The following EIF4ENIF1 variants were observed in gnomAD, a reference collection of about 807,000 sequenced individuals.
EIF4ENIF1 encodes eukaryotic translation initiation factor 4E nuclear import factor 1, also known as eukaryotic translation initiation factor 4E transporter.
Under a neutral mutation model 110.5 loss-of-function variants are expected in EIF4ENIF1, and 23 were observed. The observed-to-expected ratio is 0.21, with a 90% confidence interval of 0.15 to 0.29. EIF4ENIF1 has a LOEUF of 0.29. Ranked by LOEUF, EIF4ENIF1 falls within the 10% of genes least tolerant of loss-of-function variation. EIF4ENIF1 has a pLI of 1.00. For synonymous variants in EIF4ENIF1, 440 were observed against 437.0 expected, an observed-to-expected ratio of 1.01 and a Z score of -0.09; for missense variants, 1,031 against 1,221.1, an observed-to-expected ratio of 0.84 and a Z score of 2.32.
chr22:31,454,006 C>G, intron 10 of EIF4ENIF1, 138 bp downstream of exon 10: 1 of 724,632 alleles, frequency 1.4e-6, no homozygotes, highest in South Asian at 1.9e-5. Context: ...AAGGAACACA[C>G]AAAAGCATCA....
At chr22:31,444,804 A>G (rs1443143788) in intron 14 of EIF4ENIF1, 114 bp from the exon 15 acceptor site, 6 of 972,056 alleles carry the variant, frequency 6.2e-6, no homozygotes, top group Admixed American at 2.0e-5. Context: ...CCCTTATCCA[A>G]TTCAATTTCC....
At position 31,443,047 on chromosome 22, in the gene EIF4ENIF1, C is replaced by G; in HGVS notation, c.2121G>C (p.Glu707Asp). The change falls in exon 16 of 19, where the codon GAG becomes GAC. Residue 707 changes from glutamate to aspartate, a missense_variant. By Grantham distance (45) the Glu-to-Asp change is conservative. This residue lies in a region of EIF4ENIF1 where 704 missense variants were observed against 879.7 expected (regional missense o/e 0.80). Coordinates refer to ENST00000330125, the MANE Select transcript of EIF4ENIF1 (RefSeq NM_019843.4). The stretch of plus-strand genomic sequence containing the variant: ...GCTCCTCCTTGCTTTTCTCTTTGCT[C>G]TCGTACATCTTACGAATCACTGAGG... Reference protein sequence around the residue: ...TPTSVIRKMYESKEKSKEEPA... With the variant: ...TPTSVIRKMYDSKEKSKEEPA... 6 of 1,614,134 alleles carry G rather than the reference C, an allele frequency of 3.7e-6. No homozygotes were observed. The highest frequency in any genetic ancestry group is 5.1e-6 in the Non-Finnish European group (6 of 1,180,030).
intron 7 of EIF4ENIF1, 100 bp from the exon 8 acceptor site, chr22:31,456,087 T>C (rs1601589655): frequency 1.6e-6 from 2 of 1,228,462 alleles, no homozygotes; most frequent in Non-Finnish European, 2.3e-6. Context: ...CTTCCTTTCA[T>C]GCTCGTGACC....
chr22:31,490,493 A>C (rs2052238774), upstream of EIF4ENIF1, among the ~76,000 whole-genome samples: 1 of 152,374 alleles, frequency 6.6e-6, no homozygotes, highest in Non-Finnish European at 1.5e-5. Flanking sequence ...CTGCATTAAA[A>C]GACAAACTTG....
rs879361519 is a variant in EIF4ENIF1, at chr22:31,450,886, CACACACACAA to C, written c.1513-536_1513-527del. On this transcript the variant is annotated intron_variant, in intron 10 of 18. Coordinates refer to ENST00000330125, the MANE Select transcript of EIF4ENIF1 (RefSeq NM_019843.4). ...ACACACACACACACACACACACACA[CACACACACAA>C]AAGAGACAGGGTCTTGTTCTGTTGC... 502 of 158,382 alleles carry C rather than the reference CACACACACAA, an allele frequency of 3.2e-3. 3 individuals carry two copies. Among genetic ancestry groups the C allele is most frequent in the African/African-American group, 0.012 (452 of 37,542 alleles). The allele number at this position is 158,382 out of a possible 1,614,324, so 9.8% of individuals were successfully genotyped here.
chr22:31,445,962 C>G (rs536336087), intron 14 of EIF4ENIF1, among the ~76,000 whole-genome samples: 7 of 148,596 alleles, frequency 4.7e-5, no homozygotes, highest in Admixed American at 2.7e-4. Context: ...CGCCCCCCCC[C>G]CCCATCTACC....
chr22:31,442,682 A>C (rs2050340292), intron 16 of EIF4ENIF1, among the ~76,000 whole-genome samples: 1 of 152,234 alleles, frequency 6.6e-6, no homozygotes, highest in Non-Finnish European at 1.5e-5. Flanking sequence ...CTAATTATTA[A>C]CTTTGAAGCC....
intron 2 of EIF4ENIF1, among the ~76,000 whole-genome samples, chr22:31,486,221 G>A (rs1418960987): frequency 4.0e-5 from 6 of 151,632 alleles, no homozygotes; most frequent in African/African-American, 7.2e-5. Context: ...AGTGAGCCGA[G>A]ATAGCATCAT....
intron 14 of EIF4ENIF1, among the ~76,000 whole-genome samples, chr22:31,445,427 C>T (rs1308604789): frequency 6.6e-6 from 1 of 152,186 alleles, no homozygotes; most frequent in Non-Finnish European, 1.5e-5. Context: ...AGATGGAAAA[C>T]CTAAATTCAT....
At position 31,487,620 on chromosome 22, in the gene EIF4ENIF1, T is replaced by C. The variant is rs573227741; in HGVS notation, c.96+1003A>G. On this transcript the variant is annotated intron_variant, in intron 2 of 18. Coordinates refer to ENST00000330125, the MANE Select transcript of EIF4ENIF1 (RefSeq NM_019843.4). ...GCCTGGGCAACATGGCGAATTCCCA[T>C]CTCTATAAAAAATACAAAAATTAGC... Among the ~76,000 whole-genome samples, 53 of 151,846 alleles carry C rather than the reference T, an allele frequency of 3.5e-4. 1 individual carries two copies. The South Asian group carries it at 7.5e-3, about 21-fold the overall frequency.
At chr22:31,450,249 G>A (rs1170255398) in intron 11 of EIF4ENIF1, 40 bp downstream of exon 11, 1 of 1,567,282 alleles carries the variant, frequency 6.4e-7, no homozygotes, top group Non-Finnish European at 8.8e-7. Flanking sequence ...GAAGACTACT[G>A]TTCAAGACTC....
intron 6 of EIF4ENIF1, 45 bp downstream of exon 6, chr22:31,462,887 T>C: frequency 6.3e-7 from 1 of 1,597,556 alleles, no homozygotes; most frequent in South Asian, 1.1e-5. Flanking sequence ...CCAGCCTACA[T>C]CTCATTTTAA....
At chr22:31,465,965 AACAGAAAGCAGAT>A (rs746091923) in intron 4 of EIF4ENIF1, among the ~76,000 whole-genome samples, 3 of 152,218 alleles carry the variant, frequency 2.0e-5, no homozygotes, top group South Asian at 2.1e-4. Context: ...AATCTATAGA[AACAGAAAGCAGAT>A]ACAGAAAGCA....
chr22:31,486,852 G>A (rs557159179), intron 2 of EIF4ENIF1, among the ~76,000 whole-genome samples: 6 of 152,142 alleles, frequency 3.9e-5, no homozygotes, highest in Non-Finnish European at 5.9e-5. Context: ...AGGCCAAGGC[G>A]GGCAGATCAC....
chr22:31,450,715 TGG>T, intron 10 of EIF4ENIF1: 1 of 209,296 alleles, frequency 4.8e-6, no homozygotes, highest in Non-Finnish European at 8.5e-6. Flanking sequence ...CAAGATTTAT[TGG>T]AGACACACAC....
chr22:31,448,509 T>G (rs2050547605), intron 12 of EIF4ENIF1, among the ~76,000 whole-genome samples: 1 of 152,212 alleles, frequency 6.6e-6, no homozygotes, highest in Non-Finnish European at 1.5e-5. Context: ...AGCCAGCAGT[T>G]TGTCCCGTTA....
At chr22:31,449,167 C>T (rs62236218) in intron 12 of EIF4ENIF1, among the ~76,000 whole-genome samples, 181 bp downstream of exon 12, 6,341 of 152,180 alleles carry the variant, frequency 0.042, 121 homozygotes, top group Non-Finnish European at 0.05. Context: ...TGCACCACCA[C>T]GTCTGGCTAT....
At chr22:31,479,823 T>C (rs1347411510) in intron 2 of EIF4ENIF1, among the ~76,000 whole-genome samples, 1 of 151,826 alleles carries the variant, frequency 6.6e-6, no homozygotes, top group Non-Finnish European at 1.5e-5. Flanking sequence ...TGATCTTTCT[T>C]GCCTCAGCCT....
At chr22:31,441,550 G>GAAA (rs771597260) in intron 17 of EIF4ENIF1, among the ~76,000 whole-genome samples, 86 of 65,216 alleles carry the variant, frequency 1.3e-3, no homozygotes, top group African/African-American at 2.8e-3. Flanking sequence ...CTACAAAAAG[G>GAAA]AAAAAAAAAA....
Sources: gnomAD v4.1 joint callset for allele counts (sites outside exome capture counted in the v4.1 genomes callset) on GRCh38, gnomAD v4.1.1 for gene constraint, gnomAD v4.1.1 regional missense constraint, MANE v1.5 for transcripts, NCBI Gene and HGNC (gene_info 2026-07-23, HGNC 2026-07-21) for gene names.